The following TNKS variants were observed in gnomAD, a reference collection of about 807,000 sequenced individuals.
TNKS encodes the protein poly [ADP-ribose] polymerase tankyrase-1.
In TNKS, 72 loss-of-function variants were observed where a neutral mutation model predicts 135.8. That is an observed-to-expected ratio of 0.53 (90% CI 0.44 to 0.64). TNKS has a LOEUF of 0.64. Ranked by LOEUF, TNKS falls within the 30% of genes least tolerant of loss-of-function variation. The pLI is 0.00. For missense variants in TNKS, 1,769 were observed against 1,674.0 expected, an observed-to-expected ratio of 1.06 and a Z score of -0.99; for synonymous variants, 849 against 649.3, an observed-to-expected ratio of 1.31 and a Z score of -4.68.
chr8:9,637,705 A>G (rs1353724854), intron 3 of TNKS, among the ~76,000 whole-genome samples: 1 of 152,206 alleles, frequency 6.6e-6, no homozygotes, highest in African/African-American at 2.4e-5. Flanking sequence ...TAATAAGGGA[A>G]AGTAAAATGC....
chr8:9,556,553 C>G lies in TNKS; in HGVS notation c.614C>G (p.Ala205Gly). The G allele has an allele frequency of 1.2e-6, 2 of 1,614,162 alleles. No homozygotes were observed. Among genetic ancestry groups the G allele is most frequent in the Non-Finnish European group, 8.5e-7 (1 of 1,180,038 alleles). The part of the protein sequence containing the change: ...VSRVKRLVDA[A>G]NVNAKDMAGR... ...CGGGTAAAGAGGCTGGTGGACGCGG[C>G]AAACGTAAATGCAAAGGACATGGCC... The change falls in exon 1 of 27, where the codon GCA becomes GGA. Residue 205 changes from alanine to glycine, a missense_variant. Physicochemically the swap from Ala to Gly is moderately conservative, Grantham distance 60. Transcript: ENST00000310430.
At chr8:9,591,884 C>T (rs970660825) in intron 2 of TNKS, among the ~76,000 whole-genome samples, 8 of 152,104 alleles carry the variant, frequency 5.3e-5, no homozygotes, top group South Asian at 2.1e-4. Flanking sequence ...ATAACATTAT[C>T]GTTTTAATTA....
chr8:9,627,316 G>A (rs1387149661), intron 3 of TNKS, among the ~76,000 whole-genome samples: 1 of 152,142 alleles, frequency 6.6e-6, no homozygotes, highest in Non-Finnish European at 1.5e-5. Flanking sequence ...TGATTTCTGT[G>A]AGCCACTCTA....
intron 3 of TNKS, among the ~76,000 whole-genome samples, chr8:9,631,604 T>A (rs1288406563): frequency 6.6e-6 from 1 of 152,202 alleles, no homozygotes; most frequent in Non-Finnish European, 1.5e-5. Context: ...TATAGGGAGA[T>A]CATCTCATTC....
chr8:9,640,240 A>G (rs1417632775), intron 3 of TNKS, among the ~76,000 whole-genome samples: 12 of 152,126 alleles, frequency 7.9e-5, no homozygotes, highest in Admixed American at 1.3e-4. Context: ...GGGAAGTCCA[A>G]TATCAAGGAG....
intron 3 of TNKS, among the ~76,000 whole-genome samples, chr8:9,639,620 T>G (rs926102858): frequency 3.3e-5 from 5 of 152,084 alleles, no homozygotes; most frequent in Non-Finnish European, 7.4e-5. Flanking sequence ...GTTTTAGATA[T>G]TTATTGTAGT....
intron 3 of TNKS, among the ~76,000 whole-genome samples, chr8:9,652,899 T>G (rs990400833): frequency 3.9e-5 from 6 of 152,174 alleles, no homozygotes; most frequent in African/African-American, 1.4e-4. Flanking sequence ...GTTACATGAT[T>G]TGGTCAAACT....
At chr8:9,725,469 C>A (rs1202797777) in intron 12 of TNKS, among the ~76,000 whole-genome samples, 2 of 152,134 alleles carry the variant, frequency 1.3e-5, no homozygotes, top group Non-Finnish European at 2.9e-5. Flanking sequence ...GAAGAATTGT[C>A]ATAACTTATT....
At chr8:9,724,733 A>C (rs535105583) in intron 12 of TNKS, among the ~76,000 whole-genome samples, 1 of 152,176 alleles carries the variant, frequency 6.6e-6, no homozygotes, top group South Asian at 2.1e-4. Flanking sequence ...TATTTTAAAC[A>C]TCTTTACTTT....
chr8:9,647,171 C>G (rs534955859), intron 3 of TNKS, among the ~76,000 whole-genome samples: 65 of 152,304 alleles, frequency 4.3e-4, no homozygotes, highest in African/African-American at 1.4e-3. Context: ...TAGAAACAGA[C>G]ACACACATGC....
At chr8:9,638,113 T>A (rs1031060499) in intron 3 of TNKS, among the ~76,000 whole-genome samples, 1 of 152,278 alleles carries the variant, frequency 6.6e-6, no homozygotes, top group African/African-American at 2.4e-5. Context: ...TAGCTAAGAC[T>A]ATGGGCGTAC....
intron 5 of TNKS, among the ~76,000 whole-genome samples, chr8:9,694,757 G>A (rs1161644258): frequency 8.9e-5 from 6 of 67,358 alleles, no homozygotes; most frequent in Non-Finnish European, 1.9e-4. Flanking sequence ...GCGAGACTCT[G>A]TCTCAAAAAA....
At chr8:9,715,237 A>C (rs1457586475) in intron 11 of TNKS, among the ~76,000 whole-genome samples, 2 of 152,106 alleles carry the variant, frequency 1.3e-5, no homozygotes, top group Non-Finnish European at 2.9e-5. Flanking sequence ...TATCTCAGTT[A>C]GGGTCTTCGC....
chr8:9,685,627 C>A (rs1032043860), intron 5 of TNKS, among the ~76,000 whole-genome samples: 2 of 152,148 alleles, frequency 1.3e-5, no homozygotes, highest in Non-Finnish European at 2.9e-5. Flanking sequence ...GTCTTGTAAT[C>A]TATAAAGCAT....
intron 11 of TNKS, among the ~76,000 whole-genome samples, chr8:9,718,127 C>T (rs1282999078): frequency 6.6e-6 from 1 of 151,918 alleles, no homozygotes; most frequent in Non-Finnish European, 1.5e-5. Context: ...CTTGGAGAAC[C>T]TATCATTTGT....
At chr8:9,769,133 T>C (rs1451420696) in intron 25 of TNKS, among the ~76,000 whole-genome samples, 3 of 152,370 alleles carry the variant, frequency 2.0e-5, no homozygotes, top group East Asian at 3.9e-4. Context: ...ATACAATCCC[T>C]GTCACAGTAA....
At chr8:9,699,473 TTGTC>T (rs1274418760) in intron 5 of TNKS, among the ~76,000 whole-genome samples, 6 of 152,178 alleles carry the variant, frequency 3.9e-5, no homozygotes, top group Admixed American at 2.0e-4. Context: ...TTTTCTCAAT[TTGTC>T]TGTTCTTTTT....
chr8:9,772,462 A>C (rs745442519), intron 26 of TNKS: 17 of 453,404 alleles, frequency 3.7e-5, no homozygotes, highest in African/African-American at 2.2e-4. Context: ...TACTTTTTTT[A>C]ATGTTGAAAG....
intron 3 of TNKS, among the ~76,000 whole-genome samples, chr8:9,670,381 G>A (rs1370424086): frequency 6.6e-6 from 1 of 152,136 alleles, no homozygotes; most frequent in Non-Finnish European, 1.5e-5. Context: ...TTATCTTATT[G>A]GGAAACCATT....
Sources: allele counts gnomAD v4.1 joint callset (sites outside exome capture counted in the v4.1 genomes callset), GRCh38; gene constraint gnomAD v4.1.1; transcripts MANE v1.5; gene names NCBI Gene and HGNC (gene_info 2026-07-23, HGNC 2026-07-21).